ZNF823: variants seen among roughly 807,000 people sequenced by gnomAD.
ZNF823 encodes the protein ZFP 36 for a zinc finger protein.
ZNF823 carries 5 observed loss-of-function variants against 11.4 expected under a neutral mutation model. The observed-to-expected ratio is 0.44, with a 90% CI of 0.23 to 0.92. ZNF823 has a LOEUF of 0.92. ZNF823 is among the 40% of genes least tolerant of loss of function. The pLI, the probability that ZNF823 is intolerant of heterozygous loss-of-function variation, is 0.24. For missense variants in ZNF823, 582 were observed against 738.5 expected (o/e 0.79, Z 2.46); for synonymous variants, 234 against 250.5 (o/e 0.93, Z 0.62).
Position 11,723,066 on chromosome 19 carries a change from C to T in ZNF823, c.468G>A (p.Arg156=). The change falls in exon 4 of 4, where the codon AGG becomes AGA. Residue 156 remains arginine, a synonymous_variant. Transcript: ENST00000341191. ...CGAAGGGTTTCTTTCCGGTGGGGGG[C>T]CTTTCATGTGTCTGGAAGGAGTGCT... The part of the protein sequence containing the change: ...SHQHSFQTHE[R]PPTGKKPFDC... 2 of 1,614,106 alleles carry T rather than the reference C, an allele frequency of 1.2e-6. No homozygotes were observed. The highest frequency in any genetic ancestry group is 2.2e-5 in the East Asian group (1 of 44,882).
intron 1 of ZNF823, among the ~76,000 whole-genome samples, chr19:11,731,315 C>CA (rs926354785): frequency 6.6e-6 from 1 of 151,062 alleles, no homozygotes; most frequent in Non-Finnish European, 1.5e-5. Context: ...AACTCCATCT[C>CA]AAAAAAACAA....
At chr19:11,728,276 C>T (rs933470189) in intron 1 of ZNF823, among the ~76,000 whole-genome samples, 1 of 152,112 alleles carries the variant, frequency 6.6e-6, no homozygotes, top group Non-Finnish European at 1.5e-5. Context: ...AAGCCTTCAA[C>T]CACCTGGAAC....
chr19:11,730,971 C>T (rs1974882270), intron 1 of ZNF823, among the ~76,000 whole-genome samples: 1 of 141,766 alleles, frequency 7.1e-6, no homozygotes, highest in African/African-American at 2.7e-5. Flanking sequence ...CAGACAGCAG[C>T]ATGAATCAAA....
Position 11,738,902 on chromosome 19 carries a change from G to A in ZNF823, c.-83C>T, listed in dbSNP as rs1568472483. 6.6e-7 allele frequency: 1 copy of A among 1,525,860 alleles called. No individual in the cohort carries two copies. Among genetic ancestry groups the A allele is most frequent in the Non-Finnish European group, 8.8e-7 (1 of 1,133,114 alleles). 94.5% of individuals were successfully genotyped at this position (1,525,860 alleles called of 1,614,324 possible). A position where few individuals can be genotyped will look rare whatever the true frequency, so the allele number is the denominator to read the frequency against. The stretch of plus-strand genomic sequence containing the variant: ...GACAGACGCTGATACAGACCTTCCA[G>A]GGCGTCTCTCTCTCAGCGCCAGAGC... On this transcript the variant is annotated 5_prime_UTR_variant, in exon 1 of 4. Transcript: ENST00000341191.
At chr19:11,727,748 C>A (rs1017186555) in intron 1 of ZNF823, among the ~76,000 whole-genome samples, 1 of 152,132 alleles carries the variant, frequency 6.6e-6, no homozygotes, top group Non-Finnish European at 1.5e-5. Flanking sequence ...CATCAGAGCC[C>A]GTCTTGAAGA....
intron 1 of ZNF823, among the ~76,000 whole-genome samples, chr19:11,729,339 A>G (rs890237520): frequency 6.6e-5 from 10 of 152,214 alleles, no homozygotes; most frequent in African/African-American, 2.4e-4. Context: ...ATTTAGATAA[A>G]TCAGGTTTTA....
Position 11,738,848 on chromosome 19 carries a change from T to A in ZNF823, c.-29A>T, listed in dbSNP as rs1297938198. 2 of 1,606,924 alleles carry A rather than the reference T, an allele frequency of 1.2e-6. No homozygotes were observed. Among genetic ancestry groups the A allele is most frequent in the East Asian group, 2.3e-5 (1 of 44,346 alleles). ...CCAGCTTCCAGGTGTCCGGGTGTCCTCCTTAAAAGCCAGTGTGGGTCCCAG... is the reference window on the plus strand; with the variant it reads ...CCAGCTTCCAGGTGTCCGGGTGTCCACCTTAAAAGCCAGTGTGGGTCCCAG... On this transcript the variant is annotated 5_prime_UTR_variant, in exon 1 of 4. Transcript: ENST00000341191.
At chr19:11,727,541 C>CA (rs1460704717) in intron 1 of ZNF823, among the ~76,000 whole-genome samples, 1 of 151,790 alleles carries the variant, frequency 6.6e-6, no homozygotes, top group Non-Finnish European at 1.5e-5. Flanking sequence ...ACAATAACAA[C>CA]AAAAAAAGAA....
At chr19:11,727,578 G>A (rs1017681317) in intron 1 of ZNF823, among the ~76,000 whole-genome samples, 1 of 152,006 alleles carries the variant, frequency 6.6e-6, no homozygotes, top group Non-Finnish European at 1.5e-5. Context: ...TTCTAACCAA[G>A]AAAGTTACAG....
Position 11,723,567 on chromosome 19 carries a change from C to T in ZNF823, c.192-225G>A, listed in dbSNP as rs573468748. Among the ~76,000 whole-genome samples the T allele has an allele frequency of 9.9e-5, 15 of 151,974 alleles. No individual in the cohort carries two copies. The South Asian group carries it at 1.2e-3, about 13-fold the overall frequency. On this transcript the variant is annotated intron_variant, in intron 3 of 3. Transcript: ENST00000341191. ...CTTTCTTTCTTTCTTTTTTTTGAGA[C>T]GGAGCTTCACTCTTGTTGCCCAGGT...
chr19:11,722,418 G>C lies in ZNF823; in HGVS notation c.1116C>G (p.Ser372Arg), dbSNP rs751843264. 1 of 1,614,046 alleles carries C rather than the reference G, an allele frequency of 6.2e-7. No individual in the cohort carries two copies. Among genetic ancestry groups the C allele is most frequent in the Non-Finnish European group, 8.5e-7 (1 of 1,180,014 alleles). Residue 372 changes from serine (S) to arginine (R), a missense_variant, in exon 4 of 4, where the codon AGC (serine) becomes AGG (arginine). Around this residue, in one of 3 missense-constraint regions of ZNF823, gnomAD observed 429 missense variants for 553.7 expected, o/e 0.77. Coordinates refer to ENST00000341191, the MANE Select transcript of ZNF823 (RefSeq NM_001080493.4). The surrounding 1 kb of genome is among the most constrained non-coding windows in gnomAD (Gnocchi z 5.2). Reference sequence around the variant, plus strand: ...TTATCATGTGACTTCGAAAGCTCGAGCTATGAGATAACACTTTCCCACACT... The same window carrying C: ...TTATCATGTGACTTCGAAAGCTCGACCTATGAGATAACACTTTCCCACACT... ...CKQCGKVLSHSSSFRSHMITH... is the reference protein window; with the variant it reads ...CKQCGKVLSHRSSFRSHMITH...
At chr19:11,732,298 G>A (rs911508472) in intron 1 of ZNF823, among the ~76,000 whole-genome samples, 27 of 151,678 alleles carry the variant, frequency 1.8e-4, no homozygotes, top group African/African-American at 5.8e-4. Context: ...CCGAGCAGCC[G>A]GGACTACAGG....
rs1460448288 is a variant in ZNF823 at position 11,722,751 on chromosome 19, A to G, written c.783T>C (p.Ser261=). 6.2e-7 allele frequency: 1 copy of G among 1,614,064 alleles called. No homozygotes were observed. ...KQCSKAFPDY[S]TYLRHERTHT... Reference sequence around the variant, plus strand: ...GAGTTCTCTCATGTCTTAGATAGGTACTGTAATCAGGAAAGGCTTTGGAAC... The same window carrying G: ...GAGTTCTCTCATGTCTTAGATAGGTGCTGTAATCAGGAAAGGCTTTGGAAC... The change falls in exon 4 of 4, where the codon AGT becomes AGC. Residue 261 remains serine, a synonymous_variant. Transcript: ENST00000341191. This position sits in a 1 kb window ranked among gnomAD's most constrained non-coding sequence, Gnocchi z 5.2.
Position 11,721,718 on chromosome 19 carries a change from A to G in ZNF823, c.1816T>C (p.Trp606Arg). The G allele has an allele frequency of 6.2e-7, 1 of 1,610,622 alleles. No homozygotes were observed. ...RSLHRHKRTH[W>R]KDTL ...CCATACATTTAGAGAGTATCTTTCC[A>G]GTGAGTCCTTTTATGTCTATGCAAG... is the stretch of plus-strand genomic sequence containing the variant. The change falls in exon 4 of 4, where the codon TGG becomes CGG. Residue 606 changes from tryptophan to arginine, a missense_variant. By Grantham distance (101) the Trp-to-Arg change is moderately radical (BLOSUM62 -3). Transcript: ENST00000341191.
Position 11,722,320 on chromosome 19 carries a change from CTT to C in ZNF823, c.1212_1213del (p.Arg405ThrfsTer2), listed in dbSNP as rs1245939182. ...CTCTCCAGTGTGAGTCCTTTCATGTCTTTGAAATAAACTGGGACAACCAAAGG... is the reference window on the plus strand; with the variant it reads ...CTCTCCAGTGTGAGTCCTTTCATGTCTGAAATAAACTGGGACAACCAAAGG... On this transcript the variant is annotated frameshift_variant, in exon 4 of 4. Coordinates refer to ENST00000341191, the MANE Select transcript of ZNF823 (RefSeq NM_001080493.4). LOFTEE classifies it low-confidence loss of function (END_TRUNC). This position sits in a 1 kb window ranked among gnomAD's most constrained non-coding sequence, Gnocchi z 5.2. The C allele has an allele frequency of 6.2e-7, 1 of 1,613,310 alleles. No individual in the cohort carries two copies. The highest frequency in any genetic ancestry group is 8.5e-7 in the Non-Finnish European group (1 of 1,179,758).
chr19:11,738,408 C>T (rs1461702953), intron 1 of ZNF823, among the ~76,000 whole-genome samples: 3 of 152,252 alleles, frequency 2.0e-5, no homozygotes, highest in Non-Finnish European at 4.4e-5. Flanking sequence ...ACCCCATCCC[C>T]AAACCTCTCA....
At position 11,722,759 on chromosome 19, in the gene ZNF823, C is replaced by T. The variant is rs1319659874; in HGVS notation, c.775G>A (p.Asp259Asn). Residue 259 changes from aspartate (D) to asparagine (N), a missense_variant, in exon 4 of 4, where the codon GAT (aspartate) becomes AAT (asparagine). Coordinates refer to ENST00000341191, the MANE Select transcript of ZNF823 (RefSeq NM_001080493.4). The surrounding 1 kb of genome is among the most constrained non-coding windows in gnomAD (Gnocchi z 5.2). ...TCATGTCTTAGATAGGTACTGTAATCAGGAAAGGCTTTGGAACACTGCTTA... is the reference window on the plus strand; with the variant it reads ...TCATGTCTTAGATAGGTACTGTAATTAGGAAAGGCTTTGGAACACTGCTTA... ...ECKQCSKAFP[D>N]YSTYLRHERT... is the part of the protein sequence containing the mutation. The T allele has an allele frequency of 1.2e-6, 2 of 1,614,090 alleles. No homozygotes were observed. The highest frequency in any genetic ancestry group is 1.7e-6 in the Non-Finnish European group (2 of 1,180,022).
At chr19:11,738,695 G>C in intron 1 of ZNF823, 122 bp downstream of exon 1, 1 of 1,293,106 alleles carries the variant, frequency 7.7e-7, no homozygotes. Context: ...CTGCGCCAGG[G>C]GCACTGGGAT....
intron 1 of ZNF823, among the ~76,000 whole-genome samples, chr19:11,728,945 G>C (rs906552991): frequency 6.6e-6 from 1 of 152,110 alleles, no homozygotes; most frequent in Non-Finnish European, 1.5e-5. Flanking sequence ...TGCTGAGGCG[G>C]GCACATTGCT....
Sources: gnomAD v4.1 joint callset for allele counts (sites outside exome capture counted in the v4.1 genomes callset) on GRCh38, gnomAD v4.1.1 for gene constraint, gnomAD v4.1.1 regional missense constraint, Gnocchi (gnomAD v3.1) non-coding constraint, MANE v1.5 for transcripts, NCBI Gene and HGNC (gene_info 2026-07-23, HGNC 2026-07-21) for gene names.